Variants in CFAP107 observed in about 807,000 individuals in gnomAD.
The protein encoded by CFAP107 is cilia- and flagella-associated protein 107.
chr1:12,760,893 G>A, the CFAP107 span: 7 of 1,613,924 alleles, frequency 4.3e-6, no homozygotes, highest in Admixed American at 8.3e-5. Flanking sequence ...GCTATGTCCT[G>A]GAGGGAGCAT....
At chr1:12,759,239 C>T in the CFAP107 span, 3 of 1,550,152 alleles carry the variant, frequency 1.9e-6, no homozygotes, top group Non-Finnish European at 2.6e-6. Context: ...TGTGGCAGCT[C>T]CTGTCTCCAC....
the CFAP107 span, among the ~76,000 whole-genome samples, chr1:12,756,629 A>G: frequency 6.6e-6 from 1 of 151,980 alleles, no homozygotes; most frequent in Non-Finnish European, 1.5e-5. Flanking sequence ...CTTATAAGCG[A>G]TTTCTGTCTC....
chr1:12,750,485 G>GAGA, the CFAP107 span, among the ~76,000 whole-genome samples: 5 of 152,166 alleles, frequency 3.3e-5, no homozygotes, highest in Non-Finnish European at 7.4e-5. Context: ...GCCTACAAGA[G>GAGA]AGTGACTATA....
At chr1:12,757,564 T>C in the CFAP107 span, among the ~76,000 whole-genome samples, 3 of 152,046 alleles carry the variant, frequency 2.0e-5, no homozygotes, top group Non-Finnish European at 2.9e-5. Context: ...TTTTGTATTT[T>C]TAGTAGAGAT....
the CFAP107 span, chr1:12,746,633 A>G: frequency 4.5e-5 from 41 of 904,548 alleles, no homozygotes; most frequent in Non-Finnish European, 7.1e-5. Context: ...AATGGAGGGC[A>G]GCAGATGATT....
At chr1:12,755,934 TA>T in the CFAP107 span, 1 of 661,148 alleles carries the variant, frequency 1.5e-6, no homozygotes, top group Non-Finnish European at 2.7e-6. Flanking sequence ...GTCTCATTAA[TA>T]CCCTCCCAGC....
chr1:12,758,103 C>T, the CFAP107 span, among the ~76,000 whole-genome samples: 23 of 152,324 alleles, frequency 1.5e-4, no homozygotes, highest in African/African-American at 4.1e-4. Context: ...CTGGGCCCTG[C>T]CCCTCCACCT....
chr1:12,753,998 C>A, the CFAP107 span: 1 of 152,148 alleles, frequency 6.6e-6, no homozygotes, highest in South Asian at 2.1e-4. Flanking sequence ...ACCAAAAGCA[C>A]AGGCAACACA....
At chr1:12,751,003 GA>G in the CFAP107 span, among the ~76,000 whole-genome samples, 2 of 151,650 alleles carry the variant, frequency 1.3e-5, no homozygotes, top group African/African-American at 4.8e-5. Flanking sequence ...AAGAAATACT[GA>G]AAAATCCACC....
At chr1:12,755,960 T>C in the CFAP107 span, 1 of 612,308 alleles carries the variant, frequency 1.6e-6, no homozygotes, top group Non-Finnish European at 3.0e-6. Context: ...GGGCTGCAGA[T>C]AGCACTAACC....
chr1:12,756,264 G>T, the CFAP107 span, among the ~76,000 whole-genome samples: 2 of 152,218 alleles, frequency 1.3e-5, no homozygotes, highest in South Asian at 4.1e-4. Flanking sequence ...CTGGGCACTT[G>T]TCTAGGAATC....
At chr1:12,747,911 G>A in the CFAP107 span, among the ~76,000 whole-genome samples, 3 of 152,112 alleles carry the variant, frequency 2.0e-5, no homozygotes, top group African/African-American at 7.2e-5. Flanking sequence ...AGAAGCTCCA[G>A]GTTCTCATTC....
the CFAP107 span, chr1:12,755,851 C>A: frequency 2.8e-6 from 4 of 1,433,188 alleles, no homozygotes; most frequent in Non-Finnish European, 3.9e-6. Context: ...CAGGCCTGGA[C>A]CCCACCCAAA....
chr1:12,761,049 C>T, the CFAP107 span: 26 of 1,227,086 alleles, frequency 2.1e-5, no homozygotes, highest in Non-Finnish European at 2.6e-5. Context: ...ACTCAGAGTA[C>T]GAGATCTGGC....
At chr1:12,751,737 C>A in the CFAP107 span, among the ~76,000 whole-genome samples, 1 of 152,148 alleles carries the variant, frequency 6.6e-6, no homozygotes, top group Non-Finnish European at 1.5e-5. Flanking sequence ...AGAAGAGATG[C>A]AAGTAACTAA....
At chr1:12,746,478 G>A in the CFAP107 span, 2 of 1,613,778 alleles carry the variant, frequency 1.2e-6, no homozygotes, top group South Asian at 1.1e-5. Flanking sequence ...CTCCGAGCTG[G>A]CAGATTGAGA....
At chr1:12,759,570 A>G in the CFAP107 span, 1 of 1,512,270 alleles carries the variant, frequency 6.6e-7, no homozygotes, top group Non-Finnish European at 9.2e-7. Flanking sequence ...CTCATGCAGA[A>G]GGAGCCACAC....
the CFAP107 span, chr1:12,762,406 C>T: frequency 6.7e-6 from 1 of 148,996 alleles, no homozygotes; most frequent in African/African-American, 2.5e-5. Flanking sequence ...CTACTAAGTT[C>T]CTTCCTTAGT....
the CFAP107 span, chr1:12,753,962 C>G: frequency 6.6e-6 from 1 of 151,912 alleles, no homozygotes; most frequent in African/African-American, 2.4e-5. Context: ...ATGACATTGG[C>G]TTTAGCAAGA....
Sources: gnomAD v4.1 joint callset for allele counts (sites outside exome capture counted in the v4.1 genomes callset) on GRCh38, gnomAD v4.1.1 for gene constraint, MANE v1.5 for transcripts, NCBI Gene and HGNC (gene_info 2026-07-23, HGNC 2026-07-21) for gene names.